Variants in PCSK6 observed in about 807,000 individuals in gnomAD.
PCSK6 encodes the protein proprotein convertase subtilisin/kexin type 6, also known as paired basic amino acid cleaving enzyme 4.
In PCSK6, 85 loss-of-function variants were observed where a neutral mutation model predicts 123.3. The observed-to-expected ratio is 0.69, with a 90% confidence interval of 0.58 to 0.83. The LOEUF (loss-of-function observed/expected upper bound fraction) is 0.83. Ranked by LOEUF, PCSK6 falls within the 40% of genes least tolerant of loss-of-function variation. The pLI, the probability that PCSK6 is intolerant of heterozygous loss-of-function variation, is 0.00. For missense variants in PCSK6, 1,191 were observed against 1,282.3 expected (o/e 0.93, Z 1.09); for synonymous variants, 508 against 516.0 (o/e 0.98, Z 0.21).
intron 15 of PCSK6, among the ~76,000 whole-genome samples, chr15:101,327,390 CA>C (rs1207610308): frequency 6.6e-6 from 1 of 152,322 alleles, no homozygotes; most frequent in African/African-American, 2.4e-5. Flanking sequence ...GGGTCCTCCC[CA>C]CGCTGGTCGG....
rs555444511 is a variant in PCSK6, at chr15:101,398,048, C to T, written c.996+356G>A. 3.1e-4 allele frequency among the ~76,000 whole-genome samples: 47 copies of T among 152,340 alleles called. 1 individual carries two copies. Among genetic ancestry groups the T allele is most frequent in the Middle Eastern group, 3.4e-3 (1 of 294 alleles). On this transcript the variant is annotated intron_variant, in intron 7 of 21. Transcript: ENST00000611716. The surrounding 1 kb of genome is among the most constrained non-coding windows in gnomAD (Gnocchi z 4.6). ...AAGGGCAGGTGGGCCGAGGCCCCTG[C>T]AGAGTCCAAGTAACAGGCCAGGTGA...
At chr15:101,451,776 G>T (rs1290727647) in intron 1 of PCSK6, among the ~76,000 whole-genome samples, 2 of 152,130 alleles carry the variant, frequency 1.3e-5, no homozygotes, top group Non-Finnish European at 2.9e-5. Flanking sequence ...GATCCCGGTT[G>T]GTTTGCTTAA....
At chr15:101,383,332 C>T (rs972928440) in intron 10 of PCSK6, among the ~76,000 whole-genome samples, 15 of 148,186 alleles carry the variant, frequency 1.0e-4, no homozygotes, top group Admixed American at 7.6e-4. Flanking sequence ...ATCGTTTGAA[C>T]GCAGGAGGCA....
At chr15:101,418,993 G>A (rs945619873) in intron 6 of PCSK6, among the ~76,000 whole-genome samples, 2 of 151,926 alleles carry the variant, frequency 1.3e-5, no homozygotes, top group Non-Finnish European at 2.9e-5. Flanking sequence ...TAACTACAGG[G>A]AAGACATTTA....
At chr15:101,338,287 A>T (rs372167901) in intron 13 of PCSK6, among the ~76,000 whole-genome samples, 12 of 152,322 alleles carry the variant, frequency 7.9e-5, no homozygotes, top group African/African-American at 2.9e-4. Context: ...TAAGGCAGAG[A>T]CACACAGGAA....
intron 2 of PCSK6, among the ~76,000 whole-genome samples, chr15:101,432,862 T>C (rs551848611): frequency 7.0e-4 from 106 of 152,338 alleles, no homozygotes; most frequent in African/African-American, 2.5e-3. Flanking sequence ...TGGTAAGCCA[T>C]ATATTGGAAT....
chr15:101,444,827 G>A (rs1478926038), intron 1 of PCSK6, among the ~76,000 whole-genome samples: 1 of 152,196 alleles, frequency 6.6e-6, no homozygotes, highest in Admixed American at 6.5e-5. Context: ...CCTCAATAGA[G>A]TTGACTGGCC....
intron 6 of PCSK6, 29 bp downstream of exon 6, chr15:101,427,863 G>T (rs376142224): frequency 1.3e-6 from 2 of 1,521,678 alleles, no homozygotes; most frequent in Admixed American, 3.9e-5. Context: ...CAGGCCCCTC[G>T]GCTCGCAGGC....
At chr15:101,335,116 C>G (rs182450544) in intron 13 of PCSK6, among the ~76,000 whole-genome samples, 9 of 152,130 alleles carry the variant, frequency 5.9e-5, no homozygotes, top group African/African-American at 2.2e-4. Context: ...TGCACCACCA[C>G]GCCCGGCTAC....
intron 15 of PCSK6, among the ~76,000 whole-genome samples, chr15:101,326,923 G>A (rs1395256482): frequency 6.6e-6 from 1 of 152,224 alleles, no homozygotes; most frequent in Non-Finnish European, 1.5e-5. Flanking sequence ...CTGAGTGTCA[G>A]GGGAGCTGCT....
At chr15:101,370,877 G>A (rs1359446813) in intron 11 of PCSK6, among the ~76,000 whole-genome samples, 1 of 152,218 alleles carries the variant, frequency 6.6e-6, no homozygotes, top group Non-Finnish European at 1.5e-5. Context: ...GGGCAGTGCT[G>A]TGGGGTGCAC....
intron 11 of PCSK6, among the ~76,000 whole-genome samples, chr15:101,375,938 G>A (rs776258415): frequency 1.3e-5 from 2 of 152,164 alleles, no homozygotes; most frequent in Non-Finnish European, 2.9e-5. Context: ...GGAGGCTGAG[G>A]CAAGACCACT....
intron 19 of PCSK6, among the ~76,000 whole-genome samples, chr15:101,316,931 A>ATTTTTTTTTTTTTTTTTTTT (rs2040006578): frequency 1.5e-5 from 1 of 64,536 alleles, no homozygotes; most frequent in African/African-American, 1.7e-4. Context: ...TTTTTTTTTG[A>ATTTTTTTTTTTTTTTTTTTT]CAGAGTCTTA....
intron 10 of PCSK6, among the ~76,000 whole-genome samples, chr15:101,383,409 CAAAAA>C (rs35670221): frequency 2.6e-5 from 2 of 76,502 alleles, no homozygotes; most frequent in Non-Finnish European, 5.1e-5. Context: ...GACTCTGTCT[CAAAAA>C]AAAAAAAAAA....
chr15:101,365,574 C>A (rs184504399), intron 13 of PCSK6, among the ~76,000 whole-genome samples: 20 of 152,078 alleles, frequency 1.3e-4, no homozygotes, highest in African/African-American at 4.1e-4. Context: ...CCACGAGAAA[C>A]AAAAACATAG....
intron 17 of PCSK6, among the ~76,000 whole-genome samples, chr15:101,323,201 C>T (rs1367089986): frequency 1.3e-5 from 2 of 152,210 alleles, no homozygotes; most frequent in Non-Finnish European, 2.9e-5. Context: ...TGGGAGCTAA[C>T]AGCTGCTTGC....
Position 101,393,655 on chromosome 15 carries a change from C to T in PCSK6, c.997-231G>A, listed in dbSNP as rs144723803. On this transcript the variant is annotated intron_variant, in intron 7 of 21. Coordinates refer to ENST00000611716, the MANE Select transcript of PCSK6 (RefSeq NM_002570.5). ...AAAATTGCAGAATCACAGGATCATA[C>T]GAGGGGAAGGGGCCAGAAAGACTCC... Among the ~76,000 whole-genome samples, 1,263 of 152,208 alleles carry T rather than the reference C, an allele frequency of 8.3e-3. 26 individuals are homozygous for T. The highest frequency in any genetic ancestry group is 0.029 in the African/African-American group (1,184 of 41,510).
chr15:101,388,122 C>A (rs1228593498), intron 9 of PCSK6, among the ~76,000 whole-genome samples: 1 of 152,124 alleles, frequency 6.6e-6, no homozygotes, highest in Admixed American at 6.5e-5. Flanking sequence ...GAAAATACAG[C>A]GCAAGGAAGG....
chr15:101,400,924 C>T (rs2042567773), intron 6 of PCSK6, among the ~76,000 whole-genome samples: 1 of 152,168 alleles, frequency 6.6e-6, no homozygotes, highest in Non-Finnish European at 1.5e-5. Context: ...AGGTTTTCCC[C>T]TTAATATATG....
Sources: allele counts gnomAD v4.1 joint callset (sites outside exome capture counted in the v4.1 genomes callset), GRCh38; gene constraint gnomAD v4.1.1; non-coding constraint Gnocchi (gnomAD v3.1); transcripts MANE v1.5; gene names NCBI Gene and HGNC (gene_info 2026-07-23, HGNC 2026-07-21).